The following KIF15 variants were observed in gnomAD, a reference collection of about 807,000 sequenced individuals.
The protein encoded by KIF15 is kinesin family member 15.
Under a neutral mutation model 190.6 loss-of-function variants are expected in KIF15, and 140 were observed. The observed-to-expected ratio is 0.73, with a 90% CI of 0.64 to 0.84. KIF15 has a LOEUF of 0.84. Ranked by LOEUF, KIF15 falls within the 40% of genes least tolerant of loss-of-function variation. The pLI, the probability that KIF15 is intolerant of heterozygous loss-of-function variation, is 0.00. For missense variants in KIF15, 1,372 were observed against 1,584.4 expected (o/e 0.87, Z 2.28); for synonymous variants, 528 against 551.3 (o/e 0.96, Z 0.59).
rs774401682 is a variant in KIF15 at position 44,827,327 on chromosome 3, C to T, written c.2787-132C>T. On this transcript the variant is annotated intron_variant, in intron 22 of 34. Coordinates refer to ENST00000326047, the MANE Select transcript of KIF15 (RefSeq NM_020242.3). ...AATGGGTTCAAATTTCTGATCCCCC[C>T]GGAAGGTAATGCCTGACACCAAGGG... 65 of 630,186 alleles carry T rather than the reference C, an allele frequency of 1.0e-4. 1 individual carries two copies. The highest frequency in any genetic ancestry group is 1.5e-4 in the Non-Finnish European group (53 of 352,568). The allele number at this position is 630,186 out of a possible 1,614,324, so 39.0% of individuals were successfully genotyped here.
intron 32 of KIF15, among the ~76,000 whole-genome samples, chr3:44,849,727 T>C (rs1228417426): frequency 6.6e-6 from 1 of 152,176 alleles, no homozygotes; most frequent in African/African-American, 2.4e-5. Context: ...ATAAAATATA[T>C]GTATGTACAT....
At chr3:44,800,548 A>G (rs2125635825) in intron 11 of KIF15, 111 bp downstream of exon 11, 2 of 1,120,634 alleles carry the variant, frequency 1.8e-6, no homozygotes, top group South Asian at 3.1e-5. Flanking sequence ...TTCTGCAGGT[A>G]TCTCTTTCTG....
intron 31 of KIF15, 130 bp from the exon 32 acceptor site, chr3:44,848,391 G>A (rs1383022178): frequency 1.7e-6 from 1 of 584,998 alleles, no homozygotes; most frequent in Non-Finnish European, 3.1e-6. Context: ...AGCTGGCACT[G>A]TGGAAAAGGA....
chr3:44,851,811 T>C lies in KIF15; in HGVS notation c.3831T>C (p.Leu1277=). 6.2e-7 allele frequency: 1 copy of C among 1,613,724 alleles called. No homozygotes were observed. Among genetic ancestry groups the C allele is most frequent in the Non-Finnish European group, 8.5e-7 (1 of 1,179,812 alleles). Residue 1277 remains leucine, a synonymous_variant, in exon 33 of 35, where the codon CTT becomes CTC. Coordinates refer to ENST00000326047, the MANE Select transcript of KIF15 (RefSeq NM_020242.3). ...KADLEEVQSA[L]YNKEMECLRM... ...GCCTAGAAGAAGTCCAAAGTGCCCT[T>C]TACAACAAAGAGATGGAATGCCTTA...
chr3:44,846,405 T>A (rs910718883), intron 30 of KIF15, among the ~76,000 whole-genome samples: 1 of 152,226 alleles, frequency 6.6e-6, no homozygotes, highest in Non-Finnish European at 1.5e-5. Context: ...AATGTGTTTT[T>A]TTTTTCCTTT....
chr3:44,853,598 A>T (rs1277215985), downstream of KIF15, among the ~76,000 whole-genome samples: 3 of 152,238 alleles, frequency 2.0e-5, no homozygotes, highest in South Asian at 2.1e-4. Flanking sequence ...TCTGAAAAGC[A>T]TGTCTTTACT....
chr3:44,767,861 C>G (rs998468916), intron 1 of KIF15, among the ~76,000 whole-genome samples: 1 of 139,900 alleles, frequency 7.1e-6, no homozygotes, highest in Non-Finnish European at 1.5e-5. Flanking sequence ...CGCCACTGCA[C>G]TCCAGCCTGG....
intron 32 of KIF15, among the ~76,000 whole-genome samples, chr3:44,850,278 ACCTGTGTATGAG>A (rs1360777942): frequency 6.6e-6 from 1 of 152,188 alleles, no homozygotes; most frequent in Non-Finnish European, 1.5e-5. Flanking sequence ...CAGCCTTTTC[ACCTGTGTATGAG>A]CCATTCAGAG....
chr3:44,774,532 A>C (rs927381613), intron 2 of KIF15, 95 bp downstream of exon 2: 3 of 1,103,608 alleles, frequency 2.7e-6, no homozygotes, highest in African/African-American at 1.6e-5. Context: ...ACTTATTTCA[A>C]AATTTAACTT....
chr3:44,786,511 G>A lies in KIF15; in HGVS notation c.576G>A (p.Lys192=). 1 of 1,613,524 alleles carries A rather than the reference G, an allele frequency of 6.2e-7. No homozygotes were observed. Among genetic ancestry groups the A allele is most frequent in the Non-Finnish European group, 8.5e-7 (1 of 1,179,598 alleles). The change falls in exon 7 of 35, where the codon AAG becomes AAA. Residue 192 remains lysine (K), a synonymous_variant. Coordinates refer to ENST00000326047, the MANE Select transcript of KIF15 (RefSeq NM_020242.3). ...GACTGTACTTAAGGGAGCATATCAA[G>A]AAGGGAGTCTTTGTTGTTGGTGCGG... ...SAGLYLREHI[K]KGVFVVGAVE... is the part of the protein sequence containing the mutation.
At chr3:44,853,568 G>C (rs1699137866), downstream of KIF15, among the ~76,000 whole-genome samples, 1 of 152,218 alleles carries the variant, frequency 6.6e-6, no homozygotes, top group African/African-American at 2.4e-5. Flanking sequence ...CACATGCCTA[G>C]GAGTAGAATT....
chr3:44,852,100 C>T lies in KIF15; in HGVS notation c.3973-108C>T, dbSNP rs528180773. 2.1e-4 allele frequency: 298 copies of T among 1,450,772 alleles called. No homozygotes were observed. In the African/African-American group the frequency reaches 3.9e-3, roughly 19 times the overall value. 89.9% of individuals were successfully genotyped at this position (1,450,772 alleles called of 1,614,324 possible). ...TTGTGAGGCCTTGAAAGCTGGGATT[C>T]TGGACTCTCTGACTTCCTGTGCTCC... On this transcript the variant is annotated intron_variant, in intron 33 of 34. Transcript: ENST00000326047.
chr3:44,865,193 A>G (rs1197584482), intron 6 of KIF15: 3 of 1,614,128 alleles, frequency 1.9e-6, no homozygotes, highest in East Asian at 2.2e-5. Flanking sequence ...CCACTTGGCT[A>G]GACGGACCAG....
At chr3:44,802,518 T>C (rs1002084157) in intron 13 of KIF15, among the ~76,000 whole-genome samples, 1 of 152,212 alleles carries the variant, frequency 6.6e-6, no homozygotes. Context: ...TTTCAGTGTG[T>C]TGATTTAACT....
chr3:44,826,208 A>T lies in KIF15; in HGVS notation c.2700+19A>T. 6.4e-7 allele frequency: 1 copy of T among 1,560,926 alleles called. No individual in the cohort carries two copies. Among genetic ancestry groups the T allele is most frequent in the Non-Finnish European group, 8.6e-7 (1 of 1,162,784 alleles). On this transcript the variant is annotated intron_variant, in intron 21 of 34. Transcript: ENST00000326047. ...TCTGAATGTATGTTAAGAAGGGTGA[A>T]TTTGTCCCGCATCTGTGACTGTCCT...
At chr3:44,789,686 A>ATT (rs1706589241) in intron 7 of KIF15, among the ~76,000 whole-genome samples, 1 of 83,804 alleles carries the variant, frequency 1.2e-5, no homozygotes, top group Non-Finnish European at 2.5e-5. Context: ...ATATATATAT[A>ATT]TATATAAAAT....
rs746303280 is a variant in KIF15 at position 44,830,092 on chromosome 3, A to G, written c.3048+17A>G. On this transcript the variant is annotated intron_variant, in intron 25 of 34. Coordinates refer to ENST00000326047, the MANE Select transcript of KIF15 (RefSeq NM_020242.3). The stretch of plus-strand genomic sequence containing the variant: ...GACATAAATGTAAGTTCGGTCACCA[A>G]CAAGATGTTAAATTTGAGCATGGGA... 3 of 1,420,252 alleles carry G rather than the reference A, an allele frequency of 2.1e-6. No individual in the cohort carries two copies. The highest frequency in any genetic ancestry group is 1.4e-5 in the African/African-American group (1 of 69,048). 88.0% of individuals were successfully genotyped at this position (1,420,252 alleles called of 1,614,324 possible).
chr3:44,787,451 A>G (rs1377403953), intron 7 of KIF15, among the ~76,000 whole-genome samples: 1 of 152,166 alleles, frequency 6.6e-6, no homozygotes, highest in East Asian at 1.9e-4. Flanking sequence ...CTGCTGTATG[A>G]TATTTTATAA....
intron 16 of KIF15, among the ~76,000 whole-genome samples, chr3:44,809,855 C>T (rs1410713739): frequency 6.6e-6 from 1 of 151,960 alleles, no homozygotes. Flanking sequence ...TCACTTGAGG[C>T]CAGGAGTTGG....
Sources: allele counts gnomAD v4.1 joint callset (sites outside exome capture counted in the v4.1 genomes callset), GRCh38; gene constraint gnomAD v4.1.1; transcripts MANE v1.5; gene names NCBI Gene and HGNC (gene_info 2026-07-23, HGNC 2026-07-21).